The following FMN2 variants were observed in gnomAD, a reference collection of about 807,000 sequenced individuals.
FMN2 encodes the protein formin 2, also known as formin-2.
Under a neutral mutation model 142.3 loss-of-function variants are expected in FMN2, and 51 were observed. That is an observed-to-expected ratio of 0.36 (90% CI 0.29 to 0.45). The LOEUF (loss-of-function observed/expected upper bound fraction) is 0.45. Among genes scored for constraint, FMN2 ranks in the 20% least tolerant of loss-of-function variants. The pLI is 1.00. For synonymous variants in FMN2, 882 were observed against 869.8 expected (o/e 1.01, Z -0.25); for missense variants, 1,936 against 2,122.8 (o/e 0.91, Z 1.73).
intron 2 of FMN2, chr1:240,143,819 A>T (rs1241527224): frequency 6.5e-7 from 1 of 1,532,408 alleles, no homozygotes; most frequent in African/African-American, 1.4e-5. Flanking sequence ...TCCACAGGCT[A>T]GAGCTGTCAC....
intron 15 of FMN2, among the ~76,000 whole-genome samples, chr1:240,412,773 C>T (rs901309223): frequency 3.3e-5 from 5 of 151,904 alleles, no homozygotes; most frequent in Non-Finnish European, 5.9e-5. Context: ...GCAATGCTTC[C>T]GGAGAAGATC....
intron 15 of FMN2, among the ~76,000 whole-genome samples, chr1:240,427,171 T>TTTTATATA (rs1222415126): frequency 1.2e-4 from 16 of 136,920 alleles, no homozygotes; most frequent in African/African-American, 5.1e-4. Flanking sequence ...ACAACTGATT[T>TTTTATATA]TATATATATA....
At chr1:240,327,168 T>C (rs557302245) in intron 8 of FMN2, among the ~76,000 whole-genome samples, 106 of 152,344 alleles carry the variant, frequency 7.0e-4, no homozygotes, top group Non-Finnish European at 1.1e-3. Flanking sequence ...ATTTTTTGAG[T>C]AGCTTGGGAT....
chr1:240,212,188 G>A (rs1435063948), intron 6 of FMN2, among the ~76,000 whole-genome samples: 1 of 152,148 alleles, frequency 6.6e-6, no homozygotes, highest in Non-Finnish European at 1.5e-5. Context: ...TGACCTGGAA[G>A]TAATAGCTAG....
chr1:240,241,825 C>CTTTTTTTTTTTTTTT lies in FMN2; in HGVS notation c.4066-16105_4066-16091dup, dbSNP rs71567282. Among the ~76,000 whole-genome samples the CTTTTTTTTTTTTTTT allele has an allele frequency of 2.3e-4, 22 of 96,226 alleles. 3 individuals carry two copies. Among genetic ancestry groups the CTTTTTTTTTTTTTTT allele is most frequent in the African/African-American group, 7.6e-4 (20 of 26,320 alleles). The allele number at this position is 96,226 out of a possible 152,430, so 63.1% of individuals were successfully genotyped here. On this transcript the variant is annotated intron_variant, in intron 6 of 17. Transcript: ENST00000319653. The stretch of plus-strand genomic sequence containing the variant: ...ATTTTCTTTATTTTAGTGTGCCTTG[C>CTTTTTTTTTTTTTTT]TTTTTTTTTTTTTTTTTTTTTTTTT...
intron 8 of FMN2, among the ~76,000 whole-genome samples, chr1:240,328,559 TTTTATTTATTTATTTA>T (rs200121171): frequency 1.8e-3 from 250 of 140,402 alleles, no homozygotes; most frequent in African/African-American, 2.2e-3. Flanking sequence ...TTACACTTTA[TTTTATTTATTTATTTA>T]TTTATTTATT....
intron 14 of FMN2, among the ~76,000 whole-genome samples, chr1:240,378,941 G>A (rs1164092240): frequency 6.6e-6 from 1 of 152,120 alleles, no homozygotes. Flanking sequence ...TCCTGGGTCT[G>A]TGTCTATTGA....
chr1:240,425,833 A>G (rs1226887797), intron 15 of FMN2, among the ~76,000 whole-genome samples: 1 of 152,174 alleles, frequency 6.6e-6, no homozygotes, highest in African/African-American at 2.4e-5. Context: ...TTTTCAAGAA[A>G]GTCATCAACC....
chr1:240,387,949 G>A (rs945896953), intron 14 of FMN2, among the ~76,000 whole-genome samples: 6 of 151,832 alleles, frequency 4.0e-5, no homozygotes, highest in Admixed American at 6.6e-5. Flanking sequence ...AGGCCGAGGC[G>A]GGTGGATCAC....
chr1:240,165,571 TTCTGTTG>T (rs1378487192), intron 2 of FMN2, among the ~76,000 whole-genome samples: 5 of 152,332 alleles, frequency 3.3e-5, no homozygotes, highest in Non-Finnish European at 7.3e-5. Flanking sequence ...GTGTGTCTTT[TTCTGTTG>T]TCTGTTTTCC....
At chr1:240,432,642 G>A (rs1298364427) in intron 15 of FMN2, among the ~76,000 whole-genome samples, 1 of 151,608 alleles carries the variant, frequency 6.6e-6, no homozygotes, top group Non-Finnish European at 1.5e-5. Flanking sequence ...TTCTCTCTAA[G>A]TACTTGCTTT....
At chr1:240,372,533 T>C (rs184740593) in intron 14 of FMN2, among the ~76,000 whole-genome samples, 185 of 150,932 alleles carry the variant, frequency 1.2e-3, no homozygotes, top group African/African-American at 4.2e-3. Context: ...ATTTTGTATA[T>C]ATTATATATG....
intron 3 of FMN2, among the ~76,000 whole-genome samples, chr1:240,184,449 C>G (rs949717351): frequency 6.7e-6 from 1 of 149,698 alleles, no homozygotes; most frequent in Admixed American, 6.7e-5. Flanking sequence ...TTGGCCTGAC[C>G]TTGTGATCTG....
intron 2 of FMN2, among the ~76,000 whole-genome samples, chr1:240,142,272 G>GA (rs1663216135): frequency 6.6e-6 from 1 of 151,910 alleles, no homozygotes; most frequent in Admixed American, 6.6e-5. Flanking sequence ...GGGTGTCTTT[G>GA]AAAAAAATAA....
intron 16 of FMN2, among the ~76,000 whole-genome samples, chr1:240,449,929 T>A (rs1013038751): frequency 6.6e-6 from 1 of 152,178 alleles, no homozygotes; most frequent in African/African-American, 2.4e-5. Flanking sequence ...ATCTTTAAGA[T>A]CTGTTATCTT....
chr1:240,144,509 A>G, intron 2 of FMN2: 1 of 1,515,620 alleles, frequency 6.6e-7, no homozygotes. Flanking sequence ...CTGTTTCTGT[A>G]CTACCACATC....
Position 240,365,242 on chromosome 1 carries a change from TATAC to T in FMN2, c.4858+9347_4858+9350del, listed in dbSNP as rs954220942. Among the ~76,000 whole-genome samples, 8 of 45,848 alleles carry T rather than the reference TATAC, an allele frequency of 1.7e-4. 2 individuals carry two copies. The highest frequency in any genetic ancestry group is 1.1e-3 in the East Asian group (2 of 1,814). The allele number at this position is 45,848 out of a possible 152,430, so 30.1% of individuals were successfully genotyped here. On this transcript the variant is annotated intron_variant, in intron 14 of 17. Coordinates refer to ENST00000319653, the MANE Select transcript of FMN2 (RefSeq NM_020066.5). The stretch of plus-strand genomic sequence containing the variant: ...ACACAGACACACATATATATACACA[TATAC>T]ATACATACATACGTGTGCATATATA...
chr1:240,290,772 T>C (rs1283991665), intron 7 of FMN2, among the ~76,000 whole-genome samples: 1 of 147,174 alleles, frequency 6.8e-6, no homozygotes, highest in Non-Finnish European at 1.5e-5. Flanking sequence ...GTGATGTCTG[T>C]TTGTTTGGTT....
chr1:240,094,684 C>A (rs916223473), intron 1 of FMN2, among the ~76,000 whole-genome samples: 1 of 151,936 alleles, frequency 6.6e-6, no homozygotes, highest in African/African-American at 2.4e-5. Context: ...TTTAATGAAT[C>A]GAAAAATATG....
Sources: allele counts gnomAD v4.1 joint callset (sites outside exome capture counted in the v4.1 genomes callset), GRCh38; gene constraint gnomAD v4.1.1; transcripts MANE v1.5; gene names NCBI Gene and HGNC (gene_info 2026-07-23, HGNC 2026-07-21).